Variants in TPO observed in about 807,000 individuals in gnomAD.
TPO encodes thyroid peroxidase, also known as thyroid microsomal antigen.
In TPO, 78 loss-of-function variants were observed where a neutral mutation model predicts 96.9. The observed-to-expected ratio is 0.81, with a 90% CI of 0.67 to 0.97. TPO has a LOEUF of 0.97. Among genes scored for constraint, TPO ranks in the 50% least tolerant of loss-of-function variants. The pLI is 0.00. For synonymous variants in TPO, 547 were observed against 538.0 expected (o/e 1.02, Z -0.23); for missense variants, 1,252 against 1,274.8 (o/e 0.98, Z 0.27).
At chr2:1,403,580 A>T (rs1662203062) in intron 1 of TPO, among the ~76,000 whole-genome samples, 1 of 152,152 alleles carries the variant, frequency 6.6e-6, no homozygotes, top group Admixed American at 6.5e-5. Flanking sequence ...ACTGGGGAAC[A>T]ATGGGCTGGT....
intron 7 of TPO, among the ~76,000 whole-genome samples, chr2:1,472,827 CAA>C (rs34064729): frequency 2.1e-3 from 102 of 48,324 alleles, no homozygotes; most frequent in Admixed American, 5.0e-3. Context: ...TGTTTGGCGG[CAA>C]AAAAAAAAAA....
chr2:1,403,081 G>A (rs150098218), intron 1 of TPO, among the ~76,000 whole-genome samples: 280 of 152,292 alleles, frequency 1.8e-3, no homozygotes, highest in Non-Finnish European at 3.4e-3. Context: ...AGATATATTT[G>A]CATTTTTTCC....
chr2:1,450,665 G>A (rs945021166), intron 5 of TPO, among the ~76,000 whole-genome samples: 5 of 152,278 alleles, frequency 3.3e-5, no homozygotes, highest in South Asian at 2.1e-4. Flanking sequence ...ACACATTTGC[G>A]GAGGGTCCAC....
chr2:1,542,760 A>T lies in TPO; in HGVS notation c.*286A>T, dbSNP rs888947753. On this transcript the variant is annotated 3_prime_UTR_variant, in exon 17 of 17. Transcript: ENST00000329066. ...TTATTTTGTGAACCCTGGAAACACC[A>T]CTCTTGCAATCCTCCTGTCTCCACC... is the stretch of plus-strand genomic sequence containing the variant. 46 of 780,004 alleles carry T rather than the reference A, an allele frequency of 5.9e-5. No individual in the cohort carries two copies. In the African/African-American group the frequency reaches 7.9e-4, roughly 13 times the overall value. 48.3% of individuals were successfully genotyped at this position (780,004 alleles called of 1,614,324 possible). A position where few individuals can be genotyped will look rare whatever the true frequency, so the allele number is the denominator to read the frequency against.
rs950733260 is a variant in TPO, at chr2:1,542,810, C to T, written c.*336C>T. The T allele has an allele frequency of 1.4e-5, 7 of 510,234 alleles. No individual in the cohort carries two copies. The highest frequency in any genetic ancestry group is 2.0e-5 in the Non-Finnish European group (6 of 296,648). 31.6% of individuals were successfully genotyped at this position (510,234 alleles called of 1,614,324 possible). On this transcript the variant is annotated 3_prime_UTR_variant, in exon 17 of 17. Transcript: ENST00000329066. Reference sequence around the variant, plus strand: ...CTTCTGGCATCTCTGATGCCGTGCTCGTCTGCACTCTGCCCCGGCGGTCCC... The same window carrying T: ...CTTCTGGCATCTCTGATGCCGTGCTTGTCTGCACTCTGCCCCGGCGGTCCC...
intron 15 of TPO, among the ~76,000 whole-genome samples, chr2:1,527,457 ACTGTGTGCAACCTCCTCAAATCCCCCCAT>A (rs1358120425): frequency 8.5e-6 from 1 of 117,526 alleles, no homozygotes; most frequent in Admixed American, 9.6e-5. Flanking sequence ...CAAATACCCC[ACTGTGTGCAACCTCCTCAAATCCCCCCAT>A]CTGTGTGCGA....
At chr2:1,513,201 C>T (rs935764228) in intron 14 of TPO, among the ~76,000 whole-genome samples, 2 of 152,158 alleles carry the variant, frequency 1.3e-5, no homozygotes, top group African/African-American at 2.4e-5. Flanking sequence ...AGAATGACAG[C>T]GTGAAACCCA....
intron 3 of TPO, among the ~76,000 whole-genome samples, chr2:1,425,979 A>T (rs1558269662): frequency 6.8e-6 from 1 of 146,562 alleles, no homozygotes; most frequent in Admixed American, 6.8e-5. Context: ...CCTTCTGTAA[A>T]GTCATTGTTC....
chr2:1,503,801 G>A (rs536372515), intron 13 of TPO, 147 bp from the exon 14 acceptor site: 2 of 1,453,092 alleles, frequency 1.4e-6, no homozygotes, highest in African/African-American at 2.8e-5. Context: ...CGGGAGCAGG[G>A]GGCGGCCGGT....
At chr2:1,498,183 G>T (rs28912978) in intron 13 of TPO, among the ~76,000 whole-genome samples, 2 of 152,226 alleles carry the variant, frequency 1.3e-5, no homozygotes, top group East Asian at 3.9e-4. Context: ...CTCCTTGAAG[G>T]GTTGCAGTGG....
chr2:1,524,670 TGG>T (rs1410276383), intron 15 of TPO, among the ~76,000 whole-genome samples: 3 of 113,450 alleles, frequency 2.6e-5, no homozygotes, highest in African/African-American at 6.8e-5. Context: ...CCCCCCACTG[TGG>T]GCAACCTCCC....
In TPO at chr2:1,484,794, G is replaced by C; in HGVS notation, c.1537G>C (p.Asp513His). ...RLDASFQEHP[D>H]LPGLWLHQAF... ...GGACGCCAGCTTCCAGGAGCACCCC[G>C]ACCTGCCCGGGCTGTGGCTGCACCA... The change falls in exon 9 of 17, where the codon GAC becomes CAC. Residue 513 changes from aspartate (D) to histidine (H), a missense_variant. Transcript: ENST00000329066. 1.9e-6 allele frequency: 3 copies of C among 1,614,028 alleles called. No homozygotes were observed. The highest frequency in any genetic ancestry group is 2.5e-6 in the Non-Finnish European group (3 of 1,180,026).
intron 7 of TPO, among the ~76,000 whole-genome samples, chr2:1,475,991 C>T (rs1376898232): frequency 6.6e-5 from 10 of 152,178 alleles, no homozygotes; most frequent in Admixed American, 6.5e-4. Flanking sequence ...ATCAGGAGCT[C>T]GGCCTGTCTC....
intron 15 of TPO, among the ~76,000 whole-genome samples, chr2:1,532,506 C>T (rs1171701848): frequency 7.5e-6 from 1 of 133,318 alleles, no homozygotes; most frequent in African/African-American, 2.9e-5. Flanking sequence ...TCCTCAAAAC[C>T]CCCGCCACTC....
At chr2:1,420,380 G>A (rs766227494) in intron 2 of TPO, among the ~76,000 whole-genome samples, 14 of 152,156 alleles carry the variant, frequency 9.2e-5, no homozygotes, top group East Asian at 3.9e-4. Context: ...CGTGAATAGC[G>A]CAGAACTTTG....
chr2:1,375,484 G>A (rs1661709398), intron 1 of TPO, among the ~76,000 whole-genome samples: 1 of 151,968 alleles, frequency 6.6e-6, no homozygotes, highest in Admixed American at 6.6e-5. Flanking sequence ...GCGAGCAGGA[G>A]GGGAGAAGGA....
chr2:1,522,946 T>G (rs1174417740), intron 15 of TPO, among the ~76,000 whole-genome samples: 1 of 112,784 alleles, frequency 8.9e-6, no homozygotes, highest in Non-Finnish European at 1.8e-5. Context: ...CTGTGTAACC[T>G]CCCCAAATTC....
At chr2:1,524,746 T>G (rs1676041283) in intron 15 of TPO, among the ~76,000 whole-genome samples, 1 of 82,886 alleles carries the variant, frequency 1.2e-5, no homozygotes, top group Non-Finnish European at 2.3e-5. Flanking sequence ...TTTACAACTC[T>G]ACTCACTGTG....
At chr2:1,497,991 C>CAAAAAAAAAAAAAAAAA (rs543921082) in intron 13 of TPO, among the ~76,000 whole-genome samples, 2 of 87,294 alleles carry the variant, frequency 2.3e-5, no homozygotes, top group African/African-American at 9.5e-5. Flanking sequence ...CCCCATCTAC[C>CAAAAAAAAAAAAAAAAA]AAAAAAAAAA....
Sources: allele counts gnomAD v4.1 joint callset (sites outside exome capture counted in the v4.1 genomes callset), GRCh38; gene constraint gnomAD v4.1.1; transcripts MANE v1.5; gene names NCBI Gene and HGNC (gene_info 2026-07-23, HGNC 2026-07-21).